The following LRRIQ1 variants were observed in gnomAD, a reference collection of about 807,000 sequenced individuals.
LRRIQ1 encodes the protein leucine-rich repeat- and IQ domain-containing protein 1.
Under a neutral mutation model 211.9 loss-of-function variants are expected in LRRIQ1, and 210 were observed. The ratio of observed to expected loss-of-function variants is 0.99; its 90% confidence interval spans 0.89 to 1.11. LRRIQ1 has a LOEUF of 1.11. LRRIQ1 is among the 50% of genes most tolerant of loss of function. The probability of loss-of-function intolerance (pLI) is 0.00; values close to 1 mark genes in which losing one functional copy is unlikely to be tolerated. For missense variants in LRRIQ1, 2,136 were observed against 1,939.5 expected (o/e 1.10, Z -1.90); for synonymous variants, 699 against 650.1 (o/e 1.08, Z -1.14).
At chr12:85,236,841 A>ATATATATATATATATC (rs1895204243) in intron 26 of LRRIQ1, among the ~76,000 whole-genome samples, 3 of 144,550 alleles carry the variant, frequency 2.1e-5, no homozygotes, top group Admixed American at 6.9e-5. Context: ...ATATATATAT[A>ATATATATATATATATC]TATATATATA....
In LRRIQ1 at chr12:85,052,160, T is replaced by A; in HGVS notation, c.679-17T>A. The A allele has an allele frequency of 7.6e-7, 1 of 1,314,422 alleles. No homozygotes were observed. Among genetic ancestry groups the A allele is most frequent in the Non-Finnish European group, 1.1e-6 (1 of 945,712 alleles). 81.4% of individuals were successfully genotyped at this position (1,314,422 alleles called of 1,614,324 possible). A position where few individuals can be genotyped will look rare whatever the true frequency, so the allele number is the denominator to read the frequency against. On this transcript the variant is annotated splice_polypyrimidine_tract_variant and intron_variant, in intron 6 of 26. Transcript: ENST00000393217. ...GATATTTGAGTATAGTCATATTTAT[T>A]ATTATCATATGTTCAGCAAGAACAG...
intron 1 of LRRIQ1, among the ~76,000 whole-genome samples, chr12:85,251,720 A>G (rs1895948209): frequency 6.6e-6 from 1 of 151,634 alleles, no homozygotes; most frequent in African/African-American, 2.4e-5. Flanking sequence ...TTAAGAGAAC[A>G]TTATGGTGAA....
intron 1 of LRRIQ1, among the ~76,000 whole-genome samples, chr12:85,253,648 A>G (rs938740810): frequency 6.6e-6 from 1 of 152,092 alleles, no homozygotes; most frequent in Non-Finnish European, 1.5e-5. Flanking sequence ...TTACAGTTTT[A>G]CATAAAATAG....
At chr12:85,106,690 G>A (rs1886810815) in intron 15 of LRRIQ1, 75 bp downstream of exon 15, 2 of 986,588 alleles carry the variant, frequency 2.0e-6, no homozygotes, top group Admixed American at 4.4e-5. Flanking sequence ...AAATTGTCCT[G>A]TGAATAACAA....
At chr12:85,089,028 A>C (rs1885113372) in intron 11 of LRRIQ1, among the ~76,000 whole-genome samples, 1 of 152,206 alleles carries the variant, frequency 6.6e-6, no homozygotes, top group African/African-American at 2.4e-5. Context: ...CAGTTTTCAA[A>C]GGGAATACTT....
Position 85,180,213 on chromosome 12 carries a change from A to G in LRRIQ1, c.4822+19499A>G, listed in dbSNP as rs546749536. ...AATCATTTCCTACTGAAGTTCAACC[A>G]ACTGTGAGGTTATGGACCCTGAAAA... On this transcript the variant is annotated intron_variant, in intron 24 of 26. Transcript: ENST00000393217. Among the ~76,000 whole-genome samples, 51 of 152,018 alleles carry G rather than the reference A, an allele frequency of 3.4e-4. No homozygotes were observed. In the East Asian group the frequency reaches 8.1e-3, roughly 24 times the overall value.
At chr12:85,272,216 T>C in the LRRIQ1 span, among the ~76,000 whole-genome samples, 2,986 of 152,332 alleles carry the variant, frequency 0.02, 66 homozygotes, top group Admixed American at 0.053. Flanking sequence ...CTTTAGTTTA[T>C]TTGCCAATAT....
At chr12:85,086,511 G>C (rs1374003674) in intron 11 of LRRIQ1, among the ~76,000 whole-genome samples, 1 of 152,040 alleles carries the variant, frequency 6.6e-6, no homozygotes, top group Non-Finnish European at 1.5e-5. Flanking sequence ...GCCTTGCTAG[G>C]AGCCAAGCAG....
At chr12:85,206,767 A>G (rs1010857361) in intron 24 of LRRIQ1, among the ~76,000 whole-genome samples, 1 of 151,992 alleles carries the variant, frequency 6.6e-6, no homozygotes, top group Non-Finnish European at 1.5e-5. Flanking sequence ...TAGATATCCA[A>G]AGCTGCACTG....
chr12:85,042,685 AT>A (rs1459995120), intron 3 of LRRIQ1, among the ~76,000 whole-genome samples: 2 of 151,614 alleles, frequency 1.3e-5, no homozygotes, highest in Non-Finnish European at 3.0e-5. Context: ...TAAATTAATG[AT>A]TTTTCAAGAA....
chr12:85,242,012 G>A (rs1895484322), intron 26 of LRRIQ1, among the ~76,000 whole-genome samples: 1 of 151,888 alleles, frequency 6.6e-6, no homozygotes, highest in Non-Finnish European at 1.5e-5. Context: ...GCGGAAGTGG[G>A]GAGAGCGGCA....
intron 18 of LRRIQ1, among the ~76,000 whole-genome samples, chr12:85,137,236 G>T (rs1175245865): frequency 1.3e-5 from 2 of 151,036 alleles, no homozygotes; most frequent in African/African-American, 2.4e-5. Context: ...TTCCACATGA[G>T]CATAAATATA....
At chr12:85,126,010 C>T (rs1052019309) in intron 17 of LRRIQ1, among the ~76,000 whole-genome samples, 10 of 152,094 alleles carry the variant, frequency 6.6e-5, no homozygotes, top group Admixed American at 4.6e-4. Flanking sequence ...GAATTATTTG[C>T]ATGTGCTCTT....
At chr12:85,087,960 T>C (rs1047317061) in intron 11 of LRRIQ1, among the ~76,000 whole-genome samples, 1 of 152,234 alleles carries the variant, frequency 6.6e-6, no homozygotes, top group African/African-American at 2.4e-5. Context: ...TTAGATCCCA[T>C]TTGTCAATTT....
chr12:85,171,174 A>G (rs1056733988), intron 24 of LRRIQ1, among the ~76,000 whole-genome samples: 4 of 152,162 alleles, frequency 2.6e-5, no homozygotes, highest in African/African-American at 9.6e-5. Flanking sequence ...TATTAAACCT[A>G]TAAAAATATC....
the LRRIQ1 span, among the ~76,000 whole-genome samples, chr12:85,270,284 G>A: frequency 4.6e-5 from 7 of 152,202 alleles, no homozygotes; most frequent in Non-Finnish European, 8.8e-5. Flanking sequence ...AAAGGTAACT[G>A]TACTTGTTTT....
At chr12:85,213,547 C>A (rs1028906810) in intron 24 of LRRIQ1, among the ~76,000 whole-genome samples, 1 of 151,846 alleles carries the variant, frequency 6.6e-6, no homozygotes. Context: ...TATCCTTAGG[C>A]CCACATAGGA....
At chr12:85,092,343 C>T (rs1333798927) in intron 11 of LRRIQ1, among the ~76,000 whole-genome samples, 1 of 152,146 alleles carries the variant, frequency 6.6e-6, no homozygotes, top group Non-Finnish European at 1.5e-5. Flanking sequence ...GTGTGGCCCA[C>T]TCATTATTTT....
chr12:85,176,880 C>A (rs868181727), intron 24 of LRRIQ1, among the ~76,000 whole-genome samples: 20 of 151,840 alleles, frequency 1.3e-4, no homozygotes, highest in Middle Eastern at 6.8e-3. Flanking sequence ...TGGTTTTTGG[C>A]CTGTTTCTTT....
Sources: gnomAD v4.1 joint callset for allele counts (sites outside exome capture counted in the v4.1 genomes callset) on GRCh38, gnomAD v4.1.1 for gene constraint, MANE v1.5 for transcripts, NCBI Gene and HGNC (gene_info 2026-07-23, HGNC 2026-07-21) for gene names.